Variants in CHD2 observed in about 807,000 individuals in gnomAD.
CHD2 encodes chromodomain helicase DNA binding protein 2, also known as ATP-dependent chromatin remodeler CHD2.
Under a neutral mutation model 243.9 loss-of-function variants are expected in CHD2, and 28 were observed. The ratio of observed to expected loss-of-function variants is 0.11; its 90% confidence interval spans 0.09 to 0.16. The LOEUF (loss-of-function observed/expected upper bound fraction) is 0.16. Ranked by LOEUF, CHD2 falls within the 10% of genes least tolerant of loss-of-function variation. The probability of loss-of-function intolerance (pLI) is 1.00; values close to 1 mark genes in which losing one functional copy is unlikely to be tolerated. For missense variants in CHD2, 1,386 were observed against 2,209.8 expected (o/e 0.63, Z 7.47); for synonymous variants, 775 against 779.0 (o/e 0.99, Z 0.09).
intron 9 of CHD2, 178 bp downstream of exon 9, chr15:92,943,246 T>TA (rs1420898331): frequency 5.1e-6 from 3 of 590,014 alleles, no homozygotes; most frequent in Non-Finnish European, 8.9e-6. Flanking sequence ...ACTATATTTT[T>TA]ATATGTGGCT....
At chr15:92,945,784 G>A (rs776494827) in intron 10 of CHD2, 37 bp from the exon 11 acceptor site, 3 of 1,374,844 alleles carry the variant, frequency 2.2e-6, no homozygotes, top group Admixed American at 4.2e-5. Context: ...TCTTCATTGT[G>A]TTTATAACTT....
chr15:92,940,636 G>C (rs1355704369), intron 7 of CHD2, among the ~76,000 whole-genome samples: 1 of 151,072 alleles, frequency 6.6e-6, no homozygotes, highest in East Asian at 1.9e-4. Flanking sequence ...CTAGGACTGG[G>C]CTTTGAGTAT....
At chr15:92,939,518 T>A (rs918425538) in intron 6 of CHD2, 60 bp from the exon 7 acceptor site, 2 of 1,557,910 alleles carry the variant, frequency 1.3e-6, no homozygotes, top group Non-Finnish European at 1.7e-6. Flanking sequence ...TACTGTTATA[T>A]AAAGTAGACA....
intron 26 of CHD2, among the ~76,000 whole-genome samples, chr15:92,988,202 C>A (rs1453778147): frequency 6.6e-6 from 1 of 152,088 alleles, no homozygotes; most frequent in African/African-American, 2.4e-5. Flanking sequence ...CCTGCCTTAG[C>A]CTCCCAAGTA....
At chr15:92,991,390 C>T (rs1346097033) in intron 26 of CHD2, 86 bp from the exon 27 acceptor site, 4 of 965,646 alleles carry the variant, frequency 4.1e-6, no homozygotes, top group East Asian at 2.5e-5. Context: ...TTGCATGGCT[C>T]ATATGTCATC....
At chr15:93,006,081 G>A (rs2054317013) in intron 34 of CHD2, among the ~76,000 whole-genome samples, 1 of 150,216 alleles carries the variant, frequency 6.7e-6, no homozygotes, top group African/African-American at 2.5e-5. Context: ...GAATCCCTTG[G>A]TGTTCCTCCC....
intron 2 of CHD2, among the ~76,000 whole-genome samples, chr15:92,905,387 A>G (rs754068169): frequency 1.3e-5 from 2 of 152,228 alleles, no homozygotes; most frequent in Non-Finnish European, 2.9e-5. Context: ...TAATTAAATT[A>G]CACATACTGA....
At chr15:93,004,535 T>C in intron 33 of CHD2, 82 bp from the exon 34 acceptor site, 1 of 1,307,262 alleles carries the variant, frequency 7.6e-7, no homozygotes, top group Non-Finnish European at 1.0e-6. Context: ...CCCATTTTAA[T>C]AACACAACAT....
At chr15:92,914,634 A>C (rs2052800415) in intron 2 of CHD2, among the ~76,000 whole-genome samples, 1 of 152,058 alleles carries the variant, frequency 6.6e-6, no homozygotes, top group South Asian at 2.1e-4. Flanking sequence ...TACTTGATGG[A>C]ATTTAGCCTT....
intron 7 of CHD2, 96 bp downstream of exon 7, chr15:92,939,814 A>AT: frequency 7.7e-7 from 1 of 1,300,204 alleles, no homozygotes. Context: ...CACTTAATAG[A>AT]TAAAAATAAC....
At chr15:92,907,038 G>A (rs185829733) in intron 2 of CHD2, among the ~76,000 whole-genome samples, 1 of 152,060 alleles carries the variant, frequency 6.6e-6, no homozygotes, top group Non-Finnish European at 1.5e-5. Flanking sequence ...TTTGTGATCA[G>A]TAATTCAGCA....
In CHD2 at chr15:92,946,215, A is replaced by AGGTAT; in HGVS notation, c.1377+3_1377+7dup. The AGGTAT allele has an allele frequency of 6.2e-7, 1 of 1,603,530 alleles. No homozygotes were observed. The highest frequency in any genetic ancestry group is 2.2e-5 in the East Asian group (1 of 44,738). ...AAAACCATCCCAACAAGAGAATGCAAGGTATGGTGATGGTTGGCTTTTGTT... is the reference window on the plus strand; with the variant it reads ...AAAACCATCCCAACAAGAGAATGCAAGGTATGGTATGGTGATGGTTGGCTTTTGTT... On this transcript the variant is annotated frameshift_variant and splice_region_variant, in exon 12 of 39. Coordinates refer to ENST00000394196, the MANE Select transcript of CHD2 (RefSeq NM_001271.4). LOFTEE classifies it high-confidence loss of function.
chr15:92,949,144 A>ATT, intron 13 of CHD2, 68 bp downstream of exon 13: 4 of 1,522,076 alleles, frequency 2.6e-6, no homozygotes, highest in South Asian at 2.5e-5. Context: ...GATGTCAAGA[A>ATT]TTTTTTTTTT....
intron 2 of CHD2, chr15:92,915,102 C>T (rs993734565): frequency 6.6e-6 from 1 of 152,106 alleles, no homozygotes. Flanking sequence ...TCCATAGATT[C>T]TGTTTAACAC....
chr15:93,017,900 G>A (rs200680287), intron 37 of CHD2, among the ~76,000 whole-genome samples: 1 of 152,044 alleles, frequency 6.6e-6, no homozygotes, highest in Non-Finnish European at 1.5e-5. Flanking sequence ...GGCTGTTTTT[G>A]TGTTTTGTAT....
chr15:92,927,129 C>A, intron 3 of CHD2, 115 bp from the exon 4 acceptor site: 2 of 748,254 alleles, frequency 2.7e-6, no homozygotes, highest in Non-Finnish European at 4.4e-6. Flanking sequence ...ATAGAACTAG[C>A]AAAACAACCC....
chr15:92,901,125 C>A (rs2052522889), intron 1 of CHD2, 42 bp from the exon 2 acceptor site: 2 of 691,842 alleles, frequency 2.9e-6, no homozygotes, highest in Non-Finnish European at 5.2e-6. Flanking sequence ...TAAAAAGCAT[C>A]GATAGAAGCC....
rs12906175 is a variant in CHD2 at position 92,960,706 on chromosome 15, T to G, written c.2000+4057T>G. Among the ~76,000 whole-genome samples, 4 of 66,588 alleles carry G rather than the reference T, an allele frequency of 6.0e-5. No homozygotes were observed. The South Asian group carries it at 2.4e-3, about 41-fold the overall frequency. 43.7% of individuals were successfully genotyped at this position (66,588 alleles called of 152,430 possible). On this transcript the variant is annotated intron_variant, in intron 16 of 38. Transcript: ENST00000394196. The stretch of plus-strand genomic sequence containing the variant: ...TAAAGATTTTTGCATCTGTTTGGTG[T>G]TTTTTTTTTTTTTTTTTTTTTTTTT...
At chr15:93,008,721 G>T (rs2054353623) in intron 34 of CHD2, among the ~76,000 whole-genome samples, 2 of 152,090 alleles carry the variant, frequency 1.3e-5, no homozygotes, top group African/African-American at 4.8e-5. Flanking sequence ...CATCTTATCT[G>T]GAAGCCTTTC....
Sources: allele counts gnomAD v4.1 joint callset (sites outside exome capture counted in the v4.1 genomes callset), GRCh38; gene constraint gnomAD v4.1.1; transcripts MANE v1.5; gene names NCBI Gene and HGNC (gene_info 2026-07-23, HGNC 2026-07-21).